Variants in MCOLN2 observed in about 807,000 individuals in gnomAD.
MCOLN2 encodes the protein mucolipin-2.
A neutral mutation model predicts 67.5 loss-of-function variants in MCOLN2; 57 were observed. The observed-to-expected ratio is 0.84, with a 90% CI of 0.68 to 1.05. The LOEUF is 1.05. MCOLN2 is among the 50% of genes least tolerant of loss of function. MCOLN2 has a pLI of 0.00. For synonymous variants in MCOLN2, 246 were observed against 233.3 expected (o/e 1.05, Z -0.50); for missense variants, 620 against 678.8 (o/e 0.91, Z 0.96).
At chr1:84,961,980 T>A (rs992851204) in intron 2 of MCOLN2, among the ~76,000 whole-genome samples, 5 of 152,084 alleles carry the variant, frequency 3.3e-5, no homozygotes, top group African/African-American at 7.2e-5. Context: ...TTTAAAAAAA[T>A]TTTCTTTCTC....
chr1:84,945,014 C>G (rs1173156800), intron 7 of MCOLN2, among the ~76,000 whole-genome samples: 3 of 152,324 alleles, frequency 2.0e-5, no homozygotes, highest in Middle Eastern at 3.4e-3. Flanking sequence ...AATTCACATT[C>G]TCCTAGTGAT....
rs762647224 is a variant in MCOLN2, at chr1:84,947,101, T to G, written c.779A>C (p.Lys260Thr). The G allele has an allele frequency of 6.3e-7, 1 of 1,598,952 alleles. No homozygotes were observed. The highest frequency in any genetic ancestry group is 8.6e-7 in the Non-Finnish European group (1 of 1,166,674). Residue 260 changes from lysine (K) to threonine (T), a missense_variant, in exon 7 of 14, where the codon AAA becomes ACA. Transcript: ENST00000370608. ...ATCACTGTCAAAATAGATTTTGATTTTGCCACTGTGAGCTTTATTGTCAAA... is the reference window on the plus strand; with the variant it reads ...ATCACTGTCAAAATAGATTTTGATTGTGCCACTGTGAGCTTTATTGTCAAA... The part of the protein sequence containing the change: ...IIFDNKAHSG[K>T]IKIYFDSDAK...
intron 4 of MCOLN2, among the ~76,000 whole-genome samples, chr1:84,953,574 G>A (rs995611018): frequency 4.6e-5 from 7 of 150,586 alleles, no homozygotes; most frequent in Non-Finnish European, 8.9e-5. Context: ...AAAAATGTTA[G>A]TATTGGGGAA....
Position 84,944,226 on chromosome 1 carries a change from TA to T in MCOLN2, c.847+2806del, listed in dbSNP as rs552065853. Among the ~76,000 whole-genome samples, 121 of 152,218 alleles carry T rather than the reference TA, an allele frequency of 7.9e-4. 1 individual carries two copies. In the Middle Eastern group the frequency reaches 0.01, roughly 13 times the overall value. On this transcript the variant is annotated intron_variant, in intron 7 of 13. Coordinates refer to ENST00000370608, the MANE Select transcript of MCOLN2 (RefSeq NM_153259.4). The stretch of plus-strand genomic sequence containing the variant: ...TGAGAAGACTAGTTCTATGGTATGC[TA>T]AAAATATGTATTTTATGAACATCTT...
chr1:84,969,098 C>T (rs1033188994), intron 1 of MCOLN2, among the ~76,000 whole-genome samples: 2 of 151,064 alleles, frequency 1.3e-5, no homozygotes, highest in African/African-American at 2.4e-5. Context: ...GGGGAGGGCA[C>T]GGAAGCTCTA....
At chr1:84,958,727 C>T (rs776260186) in intron 2 of MCOLN2, 25 bp from the exon 3 acceptor site, 4 of 1,523,100 alleles carry the variant, frequency 2.6e-6, no homozygotes, top group Non-Finnish European at 3.5e-6. Flanking sequence ...AAAATAGAAA[C>T]ACATGAATTA....
At chr1:84,955,660 G>A (rs1216180432) in intron 4 of MCOLN2, among the ~76,000 whole-genome samples, 1 of 152,174 alleles carries the variant, frequency 6.6e-6, no homozygotes, top group East Asian at 1.9e-4. Context: ...CTGCAGGGCA[G>A]GGCAGGGGCT....
chr1:84,931,438 G>A lies in MCOLN2; in HGVS notation c.1466C>T (p.Ser489Phe). 14 of 1,608,130 alleles carry A rather than the reference G, an allele frequency of 8.7e-6. No individual in the cohort carries two copies. The highest frequency in any genetic ancestry group is 1.2e-5 in the Non-Finnish European group (14 of 1,174,616). The change falls in exon 12 of 14, where the codon TCC becomes TTC. Residue 489 changes from serine to phenylalanine, a missense_variant. Physicochemically the swap from Ser to Phe is radical, Grantham distance 155. Transcript: ENST00000370608. ...VWLFSRLYLY[S>F]FISLFIYMIL... Reference sequence around the variant, plus strand: ...CATATATATAAAAAGGCTGATGAAGGAATATAAATACAGACGACTGAACAG... The same window carrying A: ...CATATATATAAAAAGGCTGATGAAGAAATATAAATACAGACGACTGAACAG...
At chr1:84,994,830 T>C (rs1223857901) in intron 1 of MCOLN2, among the ~76,000 whole-genome samples, 1 of 152,232 alleles carries the variant, frequency 6.6e-6, no homozygotes, top group Non-Finnish European at 1.5e-5. Context: ...CTTGGCTAAA[T>C]GGCACAAAAT....
chr1:84,989,060 A>C (rs1258804486), intron 1 of MCOLN2, among the ~76,000 whole-genome samples: 1 of 152,072 alleles, frequency 6.6e-6, no homozygotes, highest in East Asian at 1.9e-4. Context: ...TTTCCTTCAT[A>C]ATTGCAATCA....
chr1:84,993,919 C>G (rs190591260), intron 1 of MCOLN2, among the ~76,000 whole-genome samples: 1 of 152,154 alleles, frequency 6.6e-6, no homozygotes, highest in African/African-American at 2.4e-5. Context: ...TGTGAGCCAC[C>G]GCGCCCGGCC....
At chr1:84,965,979 G>A (rs929908584) in intron 1 of MCOLN2, among the ~76,000 whole-genome samples, 6 of 152,130 alleles carry the variant, frequency 3.9e-5, no homozygotes, top group African/African-American at 4.8e-5. Flanking sequence ...TCGGCCAGAC[G>A]TGGTGGCTCA....
intron 6 of MCOLN2, among the ~76,000 whole-genome samples, chr1:84,951,486 A>G (rs1648459030): frequency 6.6e-6 from 1 of 152,222 alleles, no homozygotes; most frequent in South Asian, 2.1e-4. Context: ...CCCTCCCAAA[A>G]TAAAAAGAGA....
intron 1 of MCOLN2, among the ~76,000 whole-genome samples, chr1:84,975,886 T>C (rs1389694263): frequency 1.3e-5 from 2 of 151,962 alleles, no homozygotes; most frequent in African/African-American, 4.8e-5. Context: ...GCAATTGGCA[T>C]AAGGAAGAAT....
At chr1:84,940,097 A>T (rs1195821842) in intron 8 of MCOLN2, among the ~76,000 whole-genome samples, 4 of 152,090 alleles carry the variant, frequency 2.6e-5, no homozygotes, top group Non-Finnish European at 5.9e-5. Context: ...GTGTCCAGGC[A>T]GGCCGGCTCC....
intron 6 of MCOLN2, among the ~76,000 whole-genome samples, 194 bp from the exon 7 acceptor site, chr1:84,947,326 AC>A (rs200506648): frequency 0.042 from 6,328 of 152,042 alleles, 464 homozygotes; most frequent in African/African-American, 0.15. Context: ...ACACACACAC[AC>A]ACGGGACCAA....
chr1:84,926,846 G>A, intron 13 of MCOLN2, 125 bp from the exon 14 acceptor site: 3 of 571,878 alleles, frequency 5.2e-6, no homozygotes, highest in South Asian at 5.8e-5. Flanking sequence ...ACATAGAAGA[G>A]GAAGAAAAAT....
chr1:84,928,898 G>A (rs1661278057), intron 13 of MCOLN2, among the ~76,000 whole-genome samples: 1 of 152,142 alleles, frequency 6.6e-6, no homozygotes, highest in African/African-American at 2.4e-5. Context: ...AAAAACATAT[G>A]TAGGGTATAC....
Position 84,965,634 on chromosome 1 carries a change from C to T in MCOLN2, c.152G>A (p.Ser51Asn), listed in dbSNP as rs780929497. 18 of 1,613,992 alleles carry T rather than the reference C, an allele frequency of 1.1e-5. No individual in the cohort carries two copies. Among genetic ancestry groups the T allele is most frequent in the South Asian group, 6.6e-5 (6 of 91,068 alleles). Residue 51 changes from serine to asparagine, a missense_variant, in exon 2 of 14, where the codon AGC becomes AAC. Ser to Asn is a conservative substitution (Grantham distance 46, BLOSUM62 1). Coordinates refer to ENST00000370608, the MANE Select transcript of MCOLN2 (RefSeq NM_153259.4). ...TCTGGCTCGGTATTTTTCACAAGGGCTCATGAAGTAAAACTTCAGGTCTTC... is the reference window on the plus strand; with the variant it reads ...TCTGGCTCGGTATTTTTCACAAGGGTTCATGAAGTAAAACTTCAGGTCTTC... ...LREDLKFYFM[S>N]PCEKYRARRQ...
Sources: gnomAD v4.1 joint callset for allele counts (sites outside exome capture counted in the v4.1 genomes callset) on GRCh38, gnomAD v4.1.1 for gene constraint, MANE v1.5 for transcripts, NCBI Gene and HGNC (gene_info 2026-07-23, HGNC 2026-07-21) for gene names.